The following DNAJC1 variants were observed in gnomAD, a reference collection of about 807,000 sequenced individuals.
DNAJC1 encodes DnaJ heat shock protein family (Hsp40) member C1.
In DNAJC1, 58 loss-of-function variants were observed where a neutral mutation model predicts 76.6. The ratio of observed to expected loss-of-function variants is 0.76; its 90% confidence interval spans 0.61 to 0.94. The LOEUF (loss-of-function observed/expected upper bound fraction) is 0.94, where lower values mean the gene tolerates loss of function less well. Ranked by LOEUF, DNAJC1 falls within the 40% of genes least tolerant of loss-of-function variation. The probability of loss-of-function intolerance (pLI) is 0.00; values close to 1 mark genes in which losing one functional copy is unlikely to be tolerated. For synonymous variants in DNAJC1, 258 were observed against 267.9 expected, an observed-to-expected ratio of 0.96 and a Z score of 0.36; for missense variants, 689 against 677.3, an observed-to-expected ratio of 1.02 and a Z score of -0.19.
chr10:21,873,948 A>C (rs1261562492), intron 8 of DNAJC1, among the ~76,000 whole-genome samples: 1 of 152,250 alleles, frequency 6.6e-6, no homozygotes, highest in Non-Finnish European at 1.5e-5. Context: ...GCTATGAATT[A>C]AGATGTTAAT....
chr10:21,843,602 C>G (rs188490509), intron 8 of DNAJC1, among the ~76,000 whole-genome samples: 3 of 152,086 alleles, frequency 2.0e-5, no homozygotes, highest in African/African-American at 7.2e-5. Context: ...ACCGTGTTAG[C>G]CAGGATGGTC....
rs1158561445 is a variant in DNAJC1, at chr10:21,838,035, G to A, written c.979-31936C>T. On this transcript the variant is annotated intron_variant, in intron 8 of 11. Coordinates refer to ENST00000376980, the MANE Select transcript of DNAJC1 (RefSeq NM_022365.4). ...GGCGTCTCCGCCCAGCCGCTGCCCC[G>A]TCCGGGAGGTGGGGGGCGCCTCTGC... 3.3e-5 allele frequency among the ~76,000 whole-genome samples: 5 copies of A among 150,318 alleles called. No individual in the cohort carries two copies. In the East Asian group the frequency reaches 8.2e-4, roughly 25 times the overall value.
Position 21,988,769 on chromosome 10 carries a change from T to C in DNAJC1, c.222+14444A>G, listed in dbSNP as rs557204138. Among the ~76,000 whole-genome samples the C allele has an allele frequency of 2.0e-5, 3 of 152,288 alleles. No individual in the cohort carries two copies. In the South Asian group the frequency reaches 6.2e-4, roughly 32 times the overall value. On this transcript the variant is annotated intron_variant, in intron 1 of 11. Transcript: ENST00000376980. ...CTTCTTCAGAGGTTTGTGAGTGAAATATATTTATAAAGGGTCAACATGAAA... is the reference window on the plus strand; with the variant it reads ...CTTCTTCAGAGGTTTGTGAGTGAAACATATTTATAAAGGGTCAACATGAAA...
At chr10:21,963,279 C>T (rs974842296) in intron 1 of DNAJC1, among the ~76,000 whole-genome samples, 6 of 152,242 alleles carry the variant, frequency 3.9e-5, no homozygotes, top group African/African-American at 1.4e-4. Context: ...CCCAAACTTA[C>T]CAAGGTTTTC....
intron 8 of DNAJC1, among the ~76,000 whole-genome samples, chr10:21,870,853 C>T (rs1836091527): frequency 6.6e-6 from 1 of 151,988 alleles, no homozygotes; most frequent in East Asian, 1.9e-4. Context: ...GATTTTTGAT[C>T]AGAACAGTAA....
At chr10:21,792,762 A>ACCCTGTATCTACT (rs1834707362) in intron 9 of DNAJC1, among the ~76,000 whole-genome samples, 1 of 150,994 alleles carries the variant, frequency 6.6e-6, no homozygotes, top group African/African-American at 2.5e-5. Context: ...ACACCTCAAA[A>ACCCTGTATCTACT]AAAAAAAAAA....
intron 9 of DNAJC1, among the ~76,000 whole-genome samples, chr10:21,783,688 T>C (rs1030003876): frequency 6.6e-6 from 1 of 152,188 alleles, no homozygotes; most frequent in Non-Finnish European, 1.5e-5. Context: ...AGCATGGTAC[T>C]GATACCAAAA....
At chr10:21,804,430 T>C (rs1420694627) in intron 9 of DNAJC1, among the ~76,000 whole-genome samples, 1 of 152,052 alleles carries the variant, frequency 6.6e-6, no homozygotes, top group African/African-American at 2.4e-5. Context: ...ACTGTATTAA[T>C]AGCAGCTATG....
chr10:21,863,126 C>G (rs1443000110), intron 8 of DNAJC1, among the ~76,000 whole-genome samples: 4 of 151,910 alleles, frequency 2.6e-5, no homozygotes, highest in Non-Finnish European at 4.4e-5. Context: ...GAGTGAAACT[C>G]CGTCTCAGAA....
intron 8 of DNAJC1, among the ~76,000 whole-genome samples, chr10:21,826,018 C>T (rs182473518): frequency 2.6e-5 from 4 of 152,160 alleles, no homozygotes; most frequent in Admixed American, 2.6e-4. Context: ...AGGCAGATCG[C>T]CAGAGGTCAG....
intron 8 of DNAJC1, among the ~76,000 whole-genome samples, chr10:21,828,479 C>A (rs969740471): frequency 6.6e-6 from 1 of 152,180 alleles, no homozygotes. Flanking sequence ...AGAGTTTCAC[C>A]TATTGGCAGC....
chr10:21,803,850 A>T (rs868673181), intron 9 of DNAJC1: 13 of 967,732 alleles, frequency 1.3e-5, no homozygotes, highest in Middle Eastern at 5.2e-4. Flanking sequence ...TGAAAACAGA[A>T]CTAATACTTG....
At chr10:21,850,267 A>G (rs1424250466) in intron 8 of DNAJC1, among the ~76,000 whole-genome samples, 2 of 152,206 alleles carry the variant, frequency 1.3e-5, no homozygotes, top group African/African-American at 4.8e-5. Context: ...CAGTAACATT[A>G]TAGGTACAAA....
intron 1 of DNAJC1, among the ~76,000 whole-genome samples, chr10:22,002,745 G>A (rs1168272055): frequency 1.3e-5 from 2 of 152,018 alleles, no homozygotes; most frequent in African/African-American, 2.4e-5. Context: ...GGAGGCAGCT[G>A]AAATAAGAAT....
chr10:21,878,619 A>AT (rs1836224441), intron 8 of DNAJC1, among the ~76,000 whole-genome samples: 1 of 152,088 alleles, frequency 6.6e-6, no homozygotes, highest in Non-Finnish European at 1.5e-5. Context: ...CTTTTTCTTA[A>AT]TTTTTTCAGT....
chr10:21,763,385 A>C (rs984261506), intron 10 of DNAJC1, among the ~76,000 whole-genome samples: 1 of 152,224 alleles, frequency 6.6e-6, no homozygotes, highest in Non-Finnish European at 1.5e-5. Flanking sequence ...TGCTATTAAC[A>C]TAAGAAAGAG....
intron 8 of DNAJC1, among the ~76,000 whole-genome samples, chr10:21,864,837 C>T (rs1240335397): frequency 1.3e-5 from 2 of 152,006 alleles, no homozygotes; most frequent in Non-Finnish European, 2.9e-5. Context: ...GCAAAACATA[C>T]AGGAACACAG....
intron 8 of DNAJC1, among the ~76,000 whole-genome samples, chr10:21,848,076 G>C (rs1180190799): frequency 1.3e-5 from 2 of 152,142 alleles, no homozygotes; most frequent in Non-Finnish European, 2.9e-5. Context: ...CTCACCAACA[G>C]TGAACTATTA....
At chr10:21,982,471 G>A (rs1838173298) in intron 1 of DNAJC1, among the ~76,000 whole-genome samples, 2 of 152,022 alleles carry the variant, frequency 1.3e-5, no homozygotes, top group Non-Finnish European at 1.5e-5. Flanking sequence ...ACAACCCACA[G>A]AATGGGAGAA....
Sources: allele counts gnomAD v4.1 joint callset (sites outside exome capture counted in the v4.1 genomes callset), GRCh38; gene constraint gnomAD v4.1.1; transcripts MANE v1.5; gene names NCBI Gene and HGNC (gene_info 2026-07-23, HGNC 2026-07-21).